Variants in RMST observed in about 807,000 individuals in gnomAD.
RMST encodes long intergenic non-protein coding RNA 54.
chr12:97,493,710 G>A (rs1877109865), intron 7 of RMST, among the ~76,000 whole-genome samples: 1 of 152,114 alleles, frequency 6.6e-6, no homozygotes, highest in African/African-American at 2.4e-5. Flanking sequence ...ACAAATATGA[G>A]CCCATCACTA....
exon 11 of RMST, chr12:97,530,855 C>G (rs1881552224): frequency 6.6e-6 from 1 of 151,964 alleles, no homozygotes. Context: ...CTTGTTCGGC[C>G]AAAGGTATGT....
chr12:97,533,048 G>A (rs982129128), intron 11 of RMST: 2 of 151,738 alleles, frequency 1.3e-5, no homozygotes, highest in African/African-American at 4.8e-5. Context: ...GTGGTATGCT[G>A]CTTTAGAAGG....
chr12:97,502,949 G>C (rs568828391), intron 10 of RMST, among the ~76,000 whole-genome samples: 2 of 152,154 alleles, frequency 1.3e-5, no homozygotes, highest in South Asian at 4.2e-4. Flanking sequence ...CTATTTTCTT[G>C]GGAGTCTTGG....
chr12:97,471,869 T>C (rs1000416396), intron 5 of RMST, among the ~76,000 whole-genome samples: 3 of 152,150 alleles, frequency 2.0e-5, no homozygotes, highest in African/African-American at 7.2e-5. Context: ...TTTTCCTCCA[T>C]ATTAACGGCT....
At chr12:97,481,559 G>A (rs546392216) in intron 5 of RMST, among the ~76,000 whole-genome samples, 1 of 152,176 alleles carries the variant, frequency 6.6e-6, no homozygotes, top group Non-Finnish European at 1.5e-5. Context: ...ATAGCATGCT[G>A]AGCTTTGCTG....
At chr12:97,502,154 T>A (rs1789177249) in intron 10 of RMST, among the ~76,000 whole-genome samples, 1 of 152,194 alleles carries the variant, frequency 6.6e-6, no homozygotes, top group African/African-American at 2.4e-5. Context: ...AATCCTTGTT[T>A]GTCTTATAAT....
At chr12:97,464,341 C>T (rs1008038934) in intron 4 of RMST, among the ~76,000 whole-genome samples, 2 of 152,110 alleles carry the variant, frequency 1.3e-5, no homozygotes, top group African/African-American at 4.8e-5. Context: ...ATGAGGGGGA[C>T]CGAAAAGCAG....
chr12:97,564,999 T>G lies in RMST; in HGVS notation n.2808T>G, dbSNP rs566960727. ...CTCATTTTTATTGATTTTCTGTATT[T>G]TTTCAATGAAAATTATAATAAAAAT... On this transcript the variant is annotated non_coding_transcript_exon_variant, in exon 14 of 14. Coordinates refer to ENST00000640149, the Ensembl canonical transcript of RMST. 1.3e-3 allele frequency: 191 copies of G among 152,344 alleles called. 1 individual carries two copies. Among genetic ancestry groups the G allele is most frequent in the African/African-American group, 4.4e-3 (183 of 41,596 alleles). 9.4% of individuals were successfully genotyped at this position (152,344 alleles called of 1,614,324 possible).
At chr12:97,564,895 A>G (rs1379396619) in exon 14 of RMST, 1 of 152,202 alleles carries the variant, frequency 6.6e-6, no homozygotes, top group Non-Finnish European at 1.5e-5. Context: ...AATATTGACT[A>G]TGGACTTACA....
chr12:97,498,293 C>T (rs1264996594), intron 10 of RMST, among the ~76,000 whole-genome samples: 2 of 151,994 alleles, frequency 1.3e-5, no homozygotes, highest in Admixed American at 6.6e-5. Context: ...AAAATATTAC[C>T]AATTAAGTTT....
intron 10 of RMST, among the ~76,000 whole-genome samples, chr12:97,518,521 G>A (rs548375863): frequency 6.6e-6 from 1 of 152,216 alleles, no homozygotes; most frequent in Non-Finnish European, 1.5e-5. Context: ...GTTCAAAAAT[G>A]CAATTTCCAG....
At chr12:97,538,816 G>A (rs1174784057) in intron 11 of RMST, among the ~76,000 whole-genome samples, 3 of 151,304 alleles carry the variant, frequency 2.0e-5, no homozygotes, top group Non-Finnish European at 4.4e-5. Context: ...CACTAAAACA[G>A]GTTTAGATCC....
intron 10 of RMST, among the ~76,000 whole-genome samples, chr12:97,517,032 T>C (rs370838630): frequency 6.6e-6 from 1 of 152,016 alleles, no homozygotes; most frequent in East Asian, 1.9e-4. Context: ...CTATAAGTTC[T>C]AGTATTATGT....
At chr12:97,540,688 A>G (rs1451318515) in intron 11 of RMST, among the ~76,000 whole-genome samples, 1 of 151,734 alleles carries the variant, frequency 6.6e-6, no homozygotes, top group Non-Finnish European at 1.5e-5. Context: ...ACCTATTTAT[A>G]GTGGTGTTGT....
intron 11 of RMST, among the ~76,000 whole-genome samples, chr12:97,550,780 A>G (rs533251533): frequency 5.3e-5 from 8 of 152,268 alleles, no homozygotes; most frequent in Admixed American, 3.9e-4. Context: ...TTGTCTTTGG[A>G]GCCATATATT....
At chr12:97,519,101 A>G (rs978964247) in intron 10 of RMST, among the ~76,000 whole-genome samples, 1 of 152,190 alleles carries the variant, frequency 6.6e-6, no homozygotes, top group Admixed American at 6.5e-5. Context: ...TCAATGAAGA[A>G]TTCTATATCT....
chr12:97,526,665 A>G (rs1297418758), intron 10 of RMST, among the ~76,000 whole-genome samples: 1 of 152,204 alleles, frequency 6.6e-6, no homozygotes, highest in Non-Finnish European at 1.5e-5. Context: ...GTAATTTATA[A>G]GTATACATTT....
chr12:97,550,221 A>G (rs942355526), intron 11 of RMST, among the ~76,000 whole-genome samples: 1 of 151,932 alleles, frequency 6.6e-6, no homozygotes, highest in African/African-American at 2.4e-5. Flanking sequence ...GAGAAACCCC[A>G]TCTCTACTAA....
intron 11 of RMST, chr12:97,533,360 T>C (rs1205576581): frequency 6.6e-6 from 1 of 151,848 alleles, no homozygotes; most frequent in Non-Finnish European, 1.5e-5. Context: ...CTACATGATG[T>C]CTCCTGGAAA....
Sources: gnomAD v4.1 joint callset for allele counts (sites outside exome capture counted in the v4.1 genomes callset) on GRCh38, gnomAD v4.1.1 for gene constraint, MANE v1.5 for transcripts, NCBI Gene and HGNC (gene_info 2026-07-23, HGNC 2026-07-21) for gene names.